Variants in ERC1 observed in about 807,000 individuals in gnomAD.
ERC1 encodes the protein RAB6 interacting protein 2.
In ERC1, 56 loss-of-function variants were observed where a neutral mutation model predicts 132.0. The observed-to-expected ratio is 0.42, with a 90% CI of 0.34 to 0.53. ERC1 has a LOEUF of 0.53. Among genes scored for constraint, ERC1 ranks in the 20% least tolerant of loss-of-function variants. The pLI is 0.03. For missense variants in ERC1, 1,202 were observed against 1,349.9 expected, an observed-to-expected ratio of 0.89 and a Z score of 1.72; for synonymous variants, 478 against 476.1, an observed-to-expected ratio of 1.00 and a Z score of -0.05.
intron 14 of ERC1, among the ~76,000 whole-genome samples, chr12:1,272,689 C>T (rs940090198): frequency 6.6e-6 from 1 of 152,088 alleles, no homozygotes; most frequent in Non-Finnish European, 1.5e-5. Context: ...GTGGCTTATA[C>T]CTGTAATCCC....
chr12:1,095,281 T>C (rs1463571474), intron 3 of ERC1, among the ~76,000 whole-genome samples: 1 of 151,654 alleles, frequency 6.6e-6, no homozygotes, highest in Non-Finnish European at 1.5e-5. Flanking sequence ...AATACAAATA[T>C]TAGCCAGGCA....
At position 1,115,894 on chromosome 12, in the gene ERC1, G is replaced by T; in HGVS notation, c.1430G>T (p.Arg477Ile). 6.2e-7 allele frequency: 1 copy of T among 1,614,010 alleles called. No homozygotes were observed. Reference protein sequence around the residue: ...EIGQVKQELSRKDTELLALQT... With the variant: ...EIGQVKQELSIKDTELLALQT... The stretch of plus-strand genomic sequence containing the variant: ...GGCCAGGTGAAACAGGAGCTGTCCA[G>T]AAAGGACACAGAACTACTCGCCCTG... Residue 477 changes from arginine (R) to isoleucine (I), a missense_variant, in exon 7 of 19, where the codon AGA becomes ATA. Physicochemically the swap from Arg to Ile is moderately conservative, Grantham distance 97. Coordinates refer to ENST00000360905, the MANE Select transcript of ERC1 (RefSeq NM_178040.4).
chr12:1,214,467 C>T lies in ERC1; in HGVS notation c.2352-22302C>T, dbSNP rs924857456. Among the ~76,000 whole-genome samples, 4 of 151,998 alleles carry T rather than the reference C, an allele frequency of 2.6e-5. No homozygotes were observed. In the East Asian group the frequency reaches 5.8e-4, roughly 22 times the overall value. ...TATTATGGTATTATATTTAGCATAG[C>T]GCTAGAGTTAGATATAAACATATAA... On this transcript the variant is annotated intron_variant, in intron 12 of 18. Transcript: ENST00000360905.
chr12:1,363,489 C>T (rs79910681), intron 15 of ERC1, among the ~76,000 whole-genome samples: 4,310 of 150,474 alleles, frequency 0.029, 82 homozygotes, highest in Non-Finnish European at 0.042. Flanking sequence ...AAATGGAAGT[C>T]AGTCCATATT....
In ERC1 at chr12:1,491,575, C is replaced by G; in HGVS notation, c.*1345C>G. ...TAAGGTGTGTTTTCTAGAAAAGTTCCCTAATGGAATTCATGAGTTTGGGGG... is the reference window on the plus strand; with the variant it reads ...TAAGGTGTGTTTTCTAGAAAAGTTCGCTAATGGAATTCATGAGTTTGGGGG... On this transcript the variant is annotated 3_prime_UTR_variant, in exon 19 of 19. Coordinates refer to ENST00000360905, the MANE Select transcript of ERC1 (RefSeq NM_178040.4). 9.5e-6 allele frequency: 2 copies of G among 210,106 alleles called. No individual in the cohort carries two copies. Among genetic ancestry groups the G allele is most frequent in the Admixed American group, 6.4e-5 (1 of 15,534 alleles). The allele number at this position is 210,106 out of a possible 1,614,324, so 13.0% of individuals were successfully genotyped here. A position where few individuals can be genotyped will look rare whatever the true frequency, so the allele number is the denominator to read the frequency against.
intron 15 of ERC1, among the ~76,000 whole-genome samples, chr12:1,358,292 C>G (rs1159484223): frequency 6.7e-6 from 1 of 150,332 alleles, no homozygotes; most frequent in East Asian, 1.9e-4. Context: ...GAAGTCATCT[C>G]TGCATAATAT....
At chr12:1,246,270 CACCATGGTGA>C in intron 13 of ERC1, among the ~76,000 whole-genome samples, 1 of 151,672 alleles carries the variant, frequency 6.6e-6, no homozygotes, top group East Asian at 1.9e-4. Context: ...TGCTTAAATT[CACCATGGTGA>C]ATCTACACAA....
At chr12:1,244,674 ACCATG>A (rs1448332097) in intron 13 of ERC1, 18 of 393,164 alleles carry the variant, frequency 4.6e-5, no homozygotes, top group Middle Eastern at 8.7e-4. Context: ...GGCGTGTGCC[ACCATG>A]CCTGGCTAAT....
chr12:1,405,146 TATAAATAAATAAA>T (rs1176098163), intron 16 of ERC1, among the ~76,000 whole-genome samples: 7 of 142,202 alleles, frequency 4.9e-5, no homozygotes, highest in African/African-American at 7.9e-5. Flanking sequence ...GCTCAAAAAA[TATAAATAAATAAA>T]TAAATAAATA....
intron 7 of ERC1, among the ~76,000 whole-genome samples, chr12:1,133,128 G>A (rs1338347728): frequency 6.6e-6 from 1 of 150,900 alleles, no homozygotes; most frequent in Non-Finnish European, 1.5e-5. Flanking sequence ...AAAGTGCTGG[G>A]ATTACAGGTG....
At chr12:1,289,250 T>G (rs1232669249) in intron 14 of ERC1, among the ~76,000 whole-genome samples, 3 of 148,360 alleles carry the variant, frequency 2.0e-5, no homozygotes, top group African/African-American at 7.6e-5. Context: ...CCTGTATAGT[T>G]ATATAGGTAT....
intron 13 of ERC1, among the ~76,000 whole-genome samples, chr12:1,255,930 G>T (rs1273377779): frequency 1.3e-5 from 2 of 151,804 alleles, no homozygotes; most frequent in African/African-American, 4.8e-5. Flanking sequence ...TGAGTTTAAT[G>T]ATCGCCATTC....
At chr12:1,198,620 C>T (rs980913603) in intron 12 of ERC1, among the ~76,000 whole-genome samples, 3 of 152,178 alleles carry the variant, frequency 2.0e-5, no homozygotes, top group Non-Finnish European at 4.4e-5. Context: ...GCTATAAAGA[C>T]ATACTTGAGA....
In ERC1 at chr12:1,467,170, C is replaced by T. The variant is rs569948670; in HGVS notation, c.3213+22420C>T. On this transcript the variant is annotated intron_variant, in intron 18 of 18. Transcript: ENST00000360905. ...CTAATGTAAGCTCTAAAGCAAACTTCGGACACTAACATCTTATTGCCAACT... is the reference window on the plus strand; with the variant it reads ...CTAATGTAAGCTCTAAAGCAAACTTTGGACACTAACATCTTATTGCCAACT... 2.0e-4 allele frequency among the ~76,000 whole-genome samples: 31 copies of T among 152,306 alleles called. 1 individual carries two copies. Among genetic ancestry groups the T allele is most frequent in the South Asian group, 2.1e-4 (1 of 4,828 alleles).
rs573280771 is a variant in ERC1 at position 1,048,432 on chromosome 12, C to T, written c.669+19860C>T. 2.0e-5 allele frequency among the ~76,000 whole-genome samples: 3 copies of T among 152,178 alleles called. No homozygotes were observed. The East Asian group carries it at 5.8e-4, about 29-fold the overall frequency. On this transcript the variant is annotated intron_variant, in intron 2 of 18. Coordinates refer to ENST00000360905, the MANE Select transcript of ERC1 (RefSeq NM_178040.4). The stretch of plus-strand genomic sequence containing the variant: ...TCCACTGCTGATTTTTTTCAAAGAG[C>T]GAATACCATGTGTTCCCCATTTTGG...
intron 16 of ERC1, among the ~76,000 whole-genome samples, chr12:1,397,824 A>G (rs1041161813): frequency 1.3e-5 from 2 of 152,212 alleles, no homozygotes; most frequent in African/African-American, 4.8e-5. Flanking sequence ...ATCTGAAAAA[A>G]GGAAAAAAGC....
Position 1,141,640 on chromosome 12 carries a change from T to C in ERC1, c.1590T>C (p.Arg530=). 1 of 1,611,146 alleles carries C rather than the reference T, an allele frequency of 6.2e-7. No individual in the cohort carries two copies. ...CTTAGGTGGATGCTCTCCGATTGCG[T>C]TTGGAAGAGAAGGAAACCATGTTGA... ...LQTEVDALRL[R]LEEKETMLNK... The change falls in exon 8 of 19, where the codon CGT becomes CGC. Residue 530 remains arginine (R), a synonymous_variant. Coordinates refer to ENST00000360905, the MANE Select transcript of ERC1 (RefSeq NM_178040.4).
rs1566786466 is a variant in ERC1, at chr12:1,405,182, T to TAAATAAATAAATAA, written c.2926-2960_2926-2959insTAAATAAAAATAAA. Among the ~76,000 whole-genome samples, 451 of 123,128 alleles carry TAAATAAATAAATAA rather than the reference T, an allele frequency of 3.7e-3. 3 individuals carry two copies. Among genetic ancestry groups the TAAATAAATAAATAA allele is most frequent in the African/African-American group, 0.014 (433 of 30,688 alleles). 80.8% of individuals were successfully genotyped at this position (123,128 alleles called of 152,430 possible). ...AAATAAATAAATAAATAAATAAATA[T>TAAATAAATAAATAA]AAATAAAATAATATAAAATTGGGGG... On this transcript the variant is annotated intron_variant, in intron 16 of 18. Transcript: ENST00000360905.
chr12:1,168,790 CG>C (rs1952736876), intron 8 of ERC1, among the ~76,000 whole-genome samples: 1 of 151,696 alleles, frequency 6.6e-6, no homozygotes, highest in African/African-American at 2.4e-5. Context: ...CCGGCTGTGA[CG>C]GGTCATTTTA....
Sources: gnomAD v4.1 joint callset for allele counts (sites outside exome capture counted in the v4.1 genomes callset) on GRCh38, gnomAD v4.1.1 for gene constraint, MANE v1.5 for transcripts, NCBI Gene and HGNC (gene_info 2026-07-23, HGNC 2026-07-21) for gene names.